The following TPRG1 variants were observed in gnomAD, a reference collection of about 807,000 sequenced individuals.
TPRG1 encodes the protein tumor protein p63 regulated 1.
A neutral mutation model predicts 29.3 loss-of-function variants in TPRG1; 29 were observed. The observed-to-expected ratio is 0.99, with a 90% CI of 0.74 to 1.35. The LOEUF (loss-of-function observed/expected upper bound fraction) is 1.35, where lower values mean the gene tolerates loss of function less well. Among genes scored for constraint, TPRG1 ranks in the 40% most tolerant of loss-of-function variants. The probability of loss-of-function intolerance (pLI) is 0.00; values close to 1 mark genes in which losing one functional copy is unlikely to be tolerated. For synonymous variants in TPRG1, 130 were observed against 116.8 expected (o/e 1.11, Z -0.73); for missense variants, 327 against 335.0 (o/e 0.98, Z 0.19).
chr3:189,043,128 G>A (rs1209677835), intron 4 of TPRG1, among the ~76,000 whole-genome samples: 1 of 152,140 alleles, frequency 6.6e-6, no homozygotes, highest in African/African-American at 2.4e-5. Flanking sequence ...AATGGGCCCT[G>A]TTCAAAAAAT....
intron 1 of TPRG1, among the ~76,000 whole-genome samples, chr3:189,100,765 G>A (rs1560445230): frequency 6.6e-6 from 1 of 152,116 alleles, no homozygotes; most frequent in Non-Finnish European, 1.5e-5. Context: ...TAGCCTTCTT[G>A]ACCAGTTCAG....
intron 1 of TPRG1, among the ~76,000 whole-genome samples, chr3:189,107,779 T>G (rs1215234017): frequency 6.6e-6 from 1 of 152,202 alleles, no homozygotes; most frequent in African/African-American, 2.4e-5. Context: ...TTGTAGCCTA[T>G]CTCTCTGATT....
Position 189,204,037 on chromosome 3 carries a change from C to CAAA in TPRG1, c.-9-3316_-9-3314dup, listed in dbSNP as rs35367828. On this transcript the variant is annotated intron_variant, in intron 1 of 5. Transcript: ENST00000345063. Reference sequence around the variant, plus strand: ...GCCTGGTGACAGAGCGAGACTGTCTCAAAAAAAAAAAAAAAAAAAAAAAAA... The same window carrying CAAA: ...GCCTGGTGACAGAGCGAGACTGTCTCAAAAAAAAAAAAAAAAAAAAAAAAAAAA... Among the ~76,000 whole-genome samples, 147 of 87,748 alleles carry CAAA rather than the reference C, an allele frequency of 1.7e-3. 3 individuals carry two copies. The highest frequency in any genetic ancestry group is 2.9e-3 in the South Asian group (6 of 2,054). 57.6% of individuals were successfully genotyped at this position (87,748 alleles called of 152,430 possible).
chr3:189,268,485 A>T (rs1188689812), intron 4 of TPRG1, among the ~76,000 whole-genome samples: 3 of 152,210 alleles, frequency 2.0e-5, no homozygotes, highest in African/African-American at 7.2e-5. Context: ...TATTTAAATG[A>T]GAAATACCTC....
At chr3:189,147,141 A>G (rs897277993) in intron 3 of TPRG1, among the ~76,000 whole-genome samples, 1 of 152,208 alleles carries the variant, frequency 6.6e-6, no homozygotes, top group Non-Finnish European at 1.5e-5. Context: ...AGTCTTAACC[A>G]CTACACTATC....
intron 4 of TPRG1, among the ~76,000 whole-genome samples, chr3:189,076,796 A>G (rs1164747503): frequency 4.6e-5 from 7 of 152,148 alleles, no homozygotes; most frequent in Non-Finnish European, 4.4e-5. Flanking sequence ...ACTGGAAATG[A>G]CAGATGAATA....
chr3:189,220,924 TG>T (rs1305968937), intron 3 of TPRG1, among the ~76,000 whole-genome samples: 1 of 152,218 alleles, frequency 6.6e-6, no homozygotes, highest in Non-Finnish European at 1.5e-5. Context: ...CTTCTCTAAT[TG>T]GAACTTCTCT....
intron 3 of TPRG1, among the ~76,000 whole-genome samples, chr3:189,231,039 G>A (rs896197997): frequency 6.6e-6 from 1 of 151,902 alleles, no homozygotes; most frequent in Non-Finnish European, 1.5e-5. Context: ...GTTTCCATTT[G>A]GATCTTTTTT....
At chr3:189,047,191 G>A (rs114807602) in intron 4 of TPRG1, among the ~76,000 whole-genome samples, 98 of 152,102 alleles carry the variant, frequency 6.4e-4, no homozygotes, top group Middle Eastern at 3.4e-3. Context: ...ATATATACAC[G>A]CATAGGTTGG....
intron 3 of TPRG1, among the ~76,000 whole-genome samples, chr3:189,018,111 T>A (rs1713056620): frequency 6.6e-6 from 1 of 152,226 alleles, no homozygotes; most frequent in African/African-American, 2.4e-5. Context: ...TTGAAGTTCT[T>A]TGTAGATTCT....
rs906522130 is a variant in TPRG1, at chr3:189,152,875, T to G, written c.-10+2003T>G. 5.3e-5 allele frequency among the ~76,000 whole-genome samples: 8 copies of G among 150,152 alleles called. No individual in the cohort carries two copies. The East Asian group carries it at 1.6e-3, about 29-fold the overall frequency. On this transcript the variant is annotated intron_variant, in intron 5 of 6. Transcript: ENST00000412373. ...AAAGTAGGATTGCTACCTGCCATTA[T>G]TATTAAAAAGTAGGATTGCTACCCG... is the stretch of plus-strand genomic sequence containing the variant.
At chr3:189,208,727 T>G (rs1274361482) in intron 2 of TPRG1, among the ~76,000 whole-genome samples, 1 of 152,224 alleles carries the variant, frequency 6.6e-6, no homozygotes, top group Non-Finnish European at 1.5e-5. Context: ...TGAACTTTAT[T>G]GAATATGCAA....
At chr3:189,261,083 T>G (rs567954649) in intron 4 of TPRG1, among the ~76,000 whole-genome samples, 7 of 152,112 alleles carry the variant, frequency 4.6e-5, no homozygotes, top group Non-Finnish European at 1.0e-4. Flanking sequence ...TTCCTATTGC[T>G]CCAGCAACAT....
At chr3:189,239,285 A>C (rs879775537) in intron 4 of TPRG1, among the ~76,000 whole-genome samples, 16 of 152,098 alleles carry the variant, frequency 1.1e-4, no homozygotes, top group Admixed American at 2.0e-4. Flanking sequence ...AACCCCTGTT[A>C]AACTCATCAA....
intron 1 of TPRG1, among the ~76,000 whole-genome samples, chr3:189,123,998 A>G (rs1722135896): frequency 1.3e-5 from 2 of 152,214 alleles, no homozygotes. Flanking sequence ...GAAATGCATT[A>G]GAGTAATGCA....
chr3:189,186,203 A>G (rs1456334319), intron 1 of TPRG1, among the ~76,000 whole-genome samples: 1 of 152,236 alleles, frequency 6.6e-6, no homozygotes, highest in Non-Finnish European at 1.5e-5. Context: ...GAAAGCTATG[A>G]CTGGGTTATT....
chr3:189,243,446 C>T (rs1429562704), intron 4 of TPRG1, among the ~76,000 whole-genome samples: 2 of 152,198 alleles, frequency 1.3e-5, no homozygotes, highest in African/African-American at 4.8e-5. Flanking sequence ...TCTAAAATGC[C>T]TGTGAGTTGT....
At chr3:189,185,288 A>G (rs897449833) in intron 1 of TPRG1, among the ~76,000 whole-genome samples, 3 of 152,094 alleles carry the variant, frequency 2.0e-5, no homozygotes, top group South Asian at 2.1e-4. Context: ...CAGTAGCACA[A>G]TCACGGCTCA....
At chr3:189,164,266 G>A (rs901386832) in intron 5 of TPRG1, among the ~76,000 whole-genome samples, 3 of 152,038 alleles carry the variant, frequency 2.0e-5, no homozygotes, top group Non-Finnish European at 2.9e-5. Flanking sequence ...AGGTTCAAGC[G>A]ATTCTCCTGC....
Sources: allele counts gnomAD v4.1 joint callset (sites outside exome capture counted in the v4.1 genomes callset), GRCh38; gene constraint gnomAD v4.1.1; transcripts MANE v1.5; gene names NCBI Gene and HGNC (gene_info 2026-07-23, HGNC 2026-07-21).